BBS9: variants seen among roughly 807,000 people sequenced by gnomAD.
The protein encoded by BBS9 is Bardet-Biedl syndrome 9.
Under a neutral mutation model 117.7 loss-of-function variants are expected in BBS9, and 89 were observed. The observed-to-expected ratio is 0.76, with a 90% confidence interval of 0.64 to 0.90. The LOEUF (loss-of-function observed/expected upper bound fraction) is 0.90. Among genes scored for constraint, BBS9 ranks in the 40% least tolerant of loss-of-function variants. The pLI is 0.00. For missense variants in BBS9, 982 were observed against 1,042.2 expected (o/e 0.94, Z 0.80); for synonymous variants, 379 against 370.9 (o/e 1.02, Z -0.25).
intron 5 of BBS9, among the ~76,000 whole-genome samples, chr7:33,246,030 G>T (rs529741912): frequency 4.3e-4 from 65 of 152,142 alleles, no homozygotes; most frequent in African/African-American, 1.5e-3. Context: ...TAACATGATT[G>T]CATTTGTATA....
chr7:33,605,522 G>T lies in BBS9; in HGVS notation c.*296G>T. The T allele has an allele frequency of 2.4e-6, 1 of 412,664 alleles. No homozygotes were observed. Among genetic ancestry groups the T allele is most frequent in the Non-Finnish European group, 4.4e-6 (1 of 227,082 alleles). 25.6% of individuals were successfully genotyped at this position (412,664 alleles called of 1,614,324 possible). On this transcript the variant is annotated 3_prime_UTR_variant, in exon 23 of 23. Transcript: ENST00000242067. ...AGTGAAATGACATAGTTTTGGGTTA[G>T]ATTTTATAATGCAAAGATTCAGATC...
At chr7:33,340,871 A>C (rs1816374174) in intron 10 of BBS9, 26 bp from the exon 11 acceptor site, 2 of 1,596,512 alleles carry the variant, frequency 1.3e-6, no homozygotes, top group African/African-American at 2.7e-5. Context: ...TTATGATTAA[A>C]TAATTTTTCT....
chr7:33,609,339 A>G (rs958293070), downstream of BBS9, among the ~76,000 whole-genome samples: 1 of 152,166 alleles, frequency 6.6e-6, no homozygotes, highest in Non-Finnish European at 1.5e-5. Context: ...GAATATGTTC[A>G]TGCGATTTAC....
At chr7:33,367,985 G>A (rs1822115707) in intron 17 of BBS9, 123 bp downstream of exon 17, 3 of 800,868 alleles carry the variant, frequency 3.7e-6, no homozygotes, top group East Asian at 5.3e-5. Flanking sequence ...GTAACTAAAA[G>A]CCATGATATT....
At position 33,459,880 on chromosome 7, in the gene BBS9, C is replaced by A. The variant is rs1005740245; in HGVS notation, c.2116-45583C>A. ...ATTATATAAGTGTACTTTAAAAATT[C>A]TTTTCTTATGTTTGAGCTTACATGG... On this transcript the variant is annotated intron_variant, in intron 19 of 22. Transcript: ENST00000242067. Among the ~76,000 whole-genome samples, 26 of 152,164 alleles carry A rather than the reference C, an allele frequency of 1.7e-4. No individual in the cohort carries two copies. In the East Asian group the frequency reaches 4.6e-3, roughly 27 times the overall value.
At chr7:33,368,009 G>A in intron 17 of BBS9, 147 bp downstream of exon 17, 1 of 725,480 alleles carries the variant, frequency 1.4e-6, no homozygotes, top group South Asian at 1.5e-5. Flanking sequence ...TAGATAGGAT[G>A]TGAAAGTTAT....
At chr7:33,378,625 G>A (rs10486531) in intron 17 of BBS9, among the ~76,000 whole-genome samples, 3,981 of 152,260 alleles carry the variant, frequency 0.026, 188 homozygotes, top group African/African-American at 0.091. Context: ...TTTTGTCAGA[G>A]ATTTTTTTGT....
At chr7:33,321,550 T>C (rs1811716281) in intron 9 of BBS9, among the ~76,000 whole-genome samples, 1 of 152,120 alleles carries the variant, frequency 6.6e-6, no homozygotes, top group African/African-American at 2.4e-5. Flanking sequence ...TATATAGAAA[T>C]GCTACTGATT....
At chr7:33,243,335 G>A (rs138320151) in intron 5 of BBS9, among the ~76,000 whole-genome samples, 7 of 152,312 alleles carry the variant, frequency 4.6e-5, no homozygotes, top group South Asian at 4.1e-4. Context: ...TACACAAGGA[G>A]TGTTACATAG....
At chr7:33,218,677 A>G (rs1242595283) in intron 5 of BBS9, among the ~76,000 whole-genome samples, 1 of 152,250 alleles carries the variant, frequency 6.6e-6, no homozygotes, top group Non-Finnish European at 1.5e-5. Flanking sequence ...TGCTAGCCCA[A>G]AGGAAGGAAA....
chr7:33,574,727 G>GCA (rs1306311667), intron 21 of BBS9, among the ~76,000 whole-genome samples: 14,157 of 88,878 alleles, frequency 0.16, 1,018 homozygotes, highest in African/African-American at 0.25. Context: ...ACACACACAC[G>GCA]CGCACACACA....
chr7:33,321,401 T>C (rs1354324208), intron 9 of BBS9, among the ~76,000 whole-genome samples: 5 of 152,148 alleles, frequency 3.3e-5, no homozygotes, highest in African/African-American at 1.2e-4. Flanking sequence ...TCCTCTTCAA[T>C]TTGTTTCAAA....
intron 14 of BBS9, among the ~76,000 whole-genome samples, chr7:33,352,625 C>G (rs899704709): frequency 3.3e-5 from 5 of 152,120 alleles, no homozygotes; most frequent in Non-Finnish European, 7.4e-5. Flanking sequence ...TTCTCATAGA[C>G]TTCTGAGAAT....
chr7:33,453,204 T>C (rs904403865), intron 19 of BBS9, among the ~76,000 whole-genome samples: 1 of 152,186 alleles, frequency 6.6e-6, no homozygotes, highest in Non-Finnish European at 1.5e-5. Flanking sequence ...TTGCATGGTC[T>C]TATGTTGTGG....
chr7:33,520,011 GT>G (rs869240274), intron 20 of BBS9, among the ~76,000 whole-genome samples: 3,647 of 140,410 alleles, frequency 0.026, 114 homozygotes, highest in African/African-American at 0.082. Context: ...TCTGAAATAG[GT>G]TTTTTTTTTT....
At chr7:33,626,158 A>G (rs1466361998) in intron 21 of BBS9, among the ~76,000 whole-genome samples, 1 of 152,168 alleles carries the variant, frequency 6.6e-6, no homozygotes, top group Non-Finnish European at 1.5e-5. Context: ...TTGTTTAAAA[A>G]TGTGTAGCAC....
At chr7:33,569,185 CT>C (rs1330843952) in intron 21 of BBS9, among the ~76,000 whole-genome samples, 1 of 152,080 alleles carries the variant, frequency 6.6e-6, no homozygotes, top group Non-Finnish European at 1.5e-5. Context: ...GGTATTTTGA[CT>C]GGTATTGTGA....
intron 5 of BBS9, among the ~76,000 whole-genome samples, chr7:33,230,893 G>A (rs1423868265): frequency 6.6e-6 from 1 of 152,140 alleles, no homozygotes; most frequent in Non-Finnish European, 1.5e-5. Flanking sequence ...GCATGCAGGT[G>A]TGTTTTTTAT....
chr7:33,233,095 A>G (rs567949177), intron 5 of BBS9, among the ~76,000 whole-genome samples: 1 of 152,256 alleles, frequency 6.6e-6, no homozygotes, highest in East Asian at 1.9e-4. Context: ...CTATTGAAGA[A>G]ATAGGGGGGG....
Sources: gnomAD v4.1 joint callset for allele counts (sites outside exome capture counted in the v4.1 genomes callset) on GRCh38, gnomAD v4.1.1 for gene constraint, MANE v1.5 for transcripts, NCBI Gene and HGNC (gene_info 2026-07-23, HGNC 2026-07-21) for gene names.